Variants in PICALM observed in about 807,000 individuals in gnomAD.
The protein encoded by PICALM is phosphatidylinositol-binding clathrin assembly protein.
In PICALM, 40 loss-of-function variants were observed where a neutral mutation model predicts 80.5. That is an observed-to-expected ratio of 0.50 (90% CI 0.39 to 0.65). The LOEUF (loss-of-function observed/expected upper bound fraction) is 0.65. PICALM is among the 30% of genes least tolerant of loss of function. The pLI is 0.00. For synonymous variants in PICALM, 288 were observed against 260.3 expected, an observed-to-expected ratio of 1.11 and a Z score of -1.02; for missense variants, 676 against 778.9, an observed-to-expected ratio of 0.87 and a Z score of 1.57.
rs189624073 is a variant in PICALM at position 85,990,358 on chromosome 11, G to C, written c.1300C>G (p.Pro434Ala). The change falls in exon 13 of 20, where the codon CCA (proline) becomes GCA (alanine). Residue 434 changes from proline (P) to alanine (A), a missense_variant. By Grantham distance (27) the Pro-to-Ala change is conservative (BLOSUM62 -1). Around this residue, in one of 2 missense-constraint regions of PICALM, gnomAD observed 391 missense variants for 383.6 expected, o/e 1.02. Coordinates refer to ENST00000393346, the MANE Select transcript of PICALM (RefSeq NM_007166.4). The stretch of plus-strand genomic sequence containing the variant: ...TTTGTGAGGAAAGGATTTAAGCTTG[G>C]AATGGCATCATCAACAGCATCTACA... ...ATVDAVDDAIPSLNPFLTKSS... is the reference protein window; with the variant it reads ...ATVDAVDDAIASLNPFLTKSS... 2.3e-5 allele frequency: 37 copies of C among 1,607,958 alleles called. No homozygotes were observed. The East Asian group carries it at 8.3e-4, about 36-fold the overall frequency.
chr11:86,007,175 A>G (rs1487414318), intron 8 of PICALM, among the ~76,000 whole-genome samples: 1 of 152,264 alleles, frequency 6.6e-6, no homozygotes, highest in Non-Finnish European at 1.5e-5. Context: ...TAAAACAGGA[A>G]AAATAAATAC....
At chr11:86,044,074 G>T (rs1485230235) in intron 1 of PICALM, among the ~76,000 whole-genome samples, 1 of 152,210 alleles carries the variant, frequency 6.6e-6, no homozygotes, top group Non-Finnish European at 1.5e-5. Context: ...TGTCTTAGGA[G>T]TTAGAAATAT....
Position 85,996,949 on chromosome 11 carries a change from A to G in PICALM, c.1155-20T>C, listed in dbSNP as rs773961071. On this transcript the variant is annotated intron_variant, in intron 11 of 19. Transcript: ENST00000393346. ...GATGTGCTAGAAAGATATTTTGGAA[A>G]CGTGTTTTATTTACCAGAAAAACTT... 6.4e-7 allele frequency: 1 copy of G among 1,559,416 alleles called. No homozygotes were observed. The highest frequency in any genetic ancestry group is 1.1e-5 in the South Asian group (1 of 88,458).
intron 1 of PICALM, among the ~76,000 whole-genome samples, chr11:86,035,947 C>CAAAAAAAAAAAAAA (rs543040504): frequency 1.5e-5 from 1 of 66,492 alleles, no homozygotes; most frequent in Non-Finnish European, 2.9e-5. Context: ...GACTCTGCCT[C>CAAAAAAAAAAAAAA]AAAAAAAAAA....
intron 5 of PICALM, 110 bp from the exon 6 acceptor site, chr11:86,012,502 G>C: frequency 1.6e-6 from 1 of 613,824 alleles, no homozygotes; most frequent in Non-Finnish European, 3.0e-6. Flanking sequence ...AGGCATGTTA[G>C]TGAAAAATAC....
At chr11:86,003,807 A>G (rs542467551) in intron 8 of PICALM, 1 of 161,988 alleles carries the variant, frequency 6.2e-6, no homozygotes, top group African/African-American at 2.4e-5. Context: ...CTGATGAGCA[A>G]CTGAATGTGT....
chr11:86,018,654 C>T (rs539808123), intron 4 of PICALM, among the ~76,000 whole-genome samples: 6 of 151,982 alleles, frequency 3.9e-5, no homozygotes, highest in Non-Finnish European at 8.8e-5. Flanking sequence ...TTTGGGAGGC[C>T]GAGACAGGTA....
At chr11:86,001,761 G>C (rs1048640347) in intron 9 of PICALM, among the ~76,000 whole-genome samples, 1 of 152,060 alleles carries the variant, frequency 6.6e-6, no homozygotes, top group African/African-American at 2.4e-5. Flanking sequence ...TAATATACAT[G>C]TACAATGTAT....
chr11:86,009,386 A>G (rs1424913481), intron 7 of PICALM, among the ~76,000 whole-genome samples: 1 of 150,124 alleles, frequency 6.7e-6, no homozygotes, highest in African/African-American at 2.4e-5. Context: ...TGGAGTACAG[A>G]AGGGGGCTTA....
chr11:86,050,700 C>T (rs2096171434), intron 1 of PICALM, among the ~76,000 whole-genome samples: 1 of 152,146 alleles, frequency 6.6e-6, no homozygotes, highest in African/African-American at 2.4e-5. Context: ...TGTGGTAGAA[C>T]ATAAATGGTG....
At chr11:86,030,852 C>T (rs1196421050) in intron 2 of PICALM, among the ~76,000 whole-genome samples, 3 of 152,152 alleles carry the variant, frequency 2.0e-5, no homozygotes, top group Admixed American at 6.5e-5. Context: ...TGATGGCTTA[C>T]GCCTGTAATC....
rs562841742 is a variant in PICALM, at chr11:86,002,720, T to C, written c.893+646A>G. Among the ~76,000 whole-genome samples the C allele has an allele frequency of 5.3e-5, 8 of 152,236 alleles. No homozygotes were observed. The East Asian group carries it at 1.4e-3, about 26-fold the overall frequency. On this transcript the variant is annotated intron_variant, in intron 9 of 19. Transcript: ENST00000393346. ...TTGAGCAAATTAATACGAAAGTATC[T>C]TGCAATTATAGGCCTGGCACGGTGG...
At chr11:85,959,882 A>G (rs1240904117) in intron 19 of PICALM, among the ~76,000 whole-genome samples, 1 of 152,042 alleles carries the variant, frequency 6.6e-6, no homozygotes, top group African/African-American at 2.4e-5. Context: ...ATCCAGGCCA[A>G]ATACTTAACT....
chr11:86,033,224 A>G (rs775364830), intron 1 of PICALM, among the ~76,000 whole-genome samples: 3 of 152,196 alleles, frequency 2.0e-5, no homozygotes, highest in South Asian at 4.1e-4. Context: ...TACTTTATAC[A>G]CACAAACACA....
Position 86,001,022 on chromosome 11 carries a change from T to C in PICALM, c.1017+13A>G. On this transcript the variant is annotated intron_variant, in intron 10 of 19. Transcript: ENST00000393346. ...TACTCATTTTTCGAAATAAGGAGAA[T>C]GCACAAACTTACCTTTAAAGCTTTC... The C allele has an allele frequency of 6.2e-7, 1 of 1,613,838 alleles. No individual in the cohort carries two copies. Among genetic ancestry groups the C allele is most frequent in the Non-Finnish European group, 8.5e-7 (1 of 1,179,814 alleles).
intron 6 of PICALM, among the ~76,000 whole-genome samples, chr11:86,011,476 T>C (rs2095393069): frequency 6.6e-6 from 1 of 152,242 alleles, no homozygotes; most frequent in Non-Finnish European, 1.5e-5. Context: ...TTACTAATAG[T>C]ATATTATCTA....
intron 11 of PICALM, 70 bp downstream of exon 11, chr11:86,000,573 G>T: frequency 7.6e-7 from 1 of 1,324,224 alleles, no homozygotes; most frequent in Non-Finnish European, 1.0e-6. Flanking sequence ...AACCTGAAAA[G>T]TTCTGCAAAA....
chr11:86,024,204 T>C (rs2095612068), intron 3 of PICALM, among the ~76,000 whole-genome samples: 1 of 151,968 alleles, frequency 6.6e-6, no homozygotes, highest in Non-Finnish European at 1.5e-5. Flanking sequence ...AGAGGGGGTC[T>C]ACTGTTTTAA....
chr11:86,020,273 A>C (rs2136459179), intron 4 of PICALM, among the ~76,000 whole-genome samples: 1 of 152,294 alleles, frequency 6.6e-6, no homozygotes, highest in South Asian at 2.1e-4. Context: ...TAGAAATTTA[A>C]TCATTAAGAA....
Sources: allele counts gnomAD v4.1 joint callset (sites outside exome capture counted in the v4.1 genomes callset), GRCh38; gene constraint gnomAD v4.1.1; regional missense constraint gnomAD v4.1.1; transcripts MANE v1.5; gene names NCBI Gene and HGNC (gene_info 2026-07-23, HGNC 2026-07-21).